Variants in SPATA13 observed in about 807,000 individuals in gnomAD.
The protein encoded by SPATA13 is spermatogenesis-associated protein 13.
Under a neutral mutation model 104.0 loss-of-function variants are expected in SPATA13, and 50 were observed. The ratio of observed to expected loss-of-function variants is 0.48; its 90% CI spans 0.38 to 0.61. The LOEUF (loss-of-function observed/expected upper bound fraction) is 0.61. SPATA13 is among the 20% of genes least tolerant of loss of function. The probability of loss-of-function intolerance (pLI) is 0.00; values close to 1 mark genes in which losing one functional copy is unlikely to be tolerated. For missense variants in SPATA13, 1,524 were observed against 1,690.6 expected (o/e 0.90, Z 1.73); for synonymous variants, 606 against 667.5 (o/e 0.91, Z 1.42).
intron 4 of SPATA13, among the ~76,000 whole-genome samples, chr13:24,274,078 G>A (rs1874804600): frequency 6.6e-6 from 1 of 152,198 alleles, no homozygotes; most frequent in Non-Finnish European, 1.5e-5. Flanking sequence ...AGCGTGGACG[G>A]ATGGAAGGAT....
At chr13:24,193,115 G>T (rs974696925) in intron 1 of SPATA13, among the ~76,000 whole-genome samples, 1 of 152,190 alleles carries the variant, frequency 6.6e-6, no homozygotes, top group Non-Finnish European at 1.5e-5. Flanking sequence ...TTGTTGAGGA[G>T]GGCAGTGACT....
At chr13:24,049,304 G>T (rs1321330281) in intron 3 of SPATA13, among the ~76,000 whole-genome samples, 1 of 152,140 alleles carries the variant, frequency 6.6e-6, no homozygotes, top group Non-Finnish European at 1.5e-5. Context: ...TCTACATTTG[G>T]GTGTGTTTAG....
chr13:23,993,970 GTT>G (rs34371369), intron 2 of SPATA13, among the ~76,000 whole-genome samples: 3,553 of 134,558 alleles, frequency 0.026, 98 homozygotes, highest in African/African-American at 0.069. Context: ...TGGTGGTGGT[GTT>G]TTTTTTTTTT....
intron 3 of SPATA13, chr13:24,122,262 G>C: frequency 7.5e-7 from 1 of 1,328,212 alleles, no homozygotes; most frequent in Non-Finnish European, 1.1e-6. Context: ...TACCACACAG[G>C]ATTACGATTT....
At chr13:24,165,656 G>A (rs1004430785) in intron 1 of SPATA13, among the ~76,000 whole-genome samples, 2 of 152,176 alleles carry the variant, frequency 1.3e-5, no homozygotes, top group African/African-American at 4.8e-5. Context: ...GATGCACGGG[G>A]AGGGCAGGCT....
chr13:24,079,863 G>T (rs1879451846), intron 3 of SPATA13, among the ~76,000 whole-genome samples: 1 of 152,098 alleles, frequency 6.6e-6, no homozygotes, highest in South Asian at 2.1e-4. Context: ...CTCCCGTGAG[G>T]ATGGGGATAC....
chr13:24,093,519 G>A (rs1445924818), intron 3 of SPATA13, among the ~76,000 whole-genome samples: 1 of 152,096 alleles, frequency 6.6e-6, no homozygotes, highest in Non-Finnish European at 1.5e-5. Flanking sequence ...GTTCAGGCAC[G>A]TTTCTGATAC....
intron 3 of SPATA13, among the ~76,000 whole-genome samples, chr13:24,147,635 C>T (rs1998478): frequency 0.5 from 76,060 of 151,894 alleles, 19,754 homozygotes; most frequent in Admixed American, 0.6. Context: ...CAGAACAAAA[C>T]GTACCATCTT....
chr13:24,276,270 C>T (rs1874976389), intron 4 of SPATA13, among the ~76,000 whole-genome samples: 1 of 152,020 alleles, frequency 6.6e-6, no homozygotes, highest in Admixed American at 6.5e-5. Flanking sequence ...TGGTTTTTTC[C>T]TTTTTTAAAA....
chr13:24,251,779 G>A lies in SPATA13; in HGVS notation c.2081G>A (p.Arg694Gln), dbSNP rs147629761. ...QVPPYKAVSA[R>Q]FRPFTFSQST... is the part of the protein sequence containing the mutation. ...CCACCCTACAAGGCTGTGTCGGCCC[G>A]GTTCCGGCCCTTCACATTCTCCCAG... Residue 694 changes from arginine (R) to glutamine (Q), a missense_variant, in exon 4 of 13, where the codon CGG becomes CAG. Arg to Gln is a conservative substitution (Grantham distance 43). This residue lies in a region of SPATA13 where 1,089 missense variants were observed against 1,135.9 expected (regional missense o/e 0.96). Transcript: ENST00000382108. 12 of 1,614,054 alleles carry A rather than the reference G, an allele frequency of 7.4e-6. No individual in the cohort carries two copies. The highest frequency in any genetic ancestry group is 5.0e-5 in the Admixed American group (3 of 60,000).
At position 24,305,665 on chromosome 13, in the gene SPATA13, C is replaced by CT. The variant is rs959534626; in HGVS notation, c.*2897dup. On this transcript the variant is annotated 3_prime_UTR_variant, in exon 13 of 13. Transcript: ENST00000382108. Reference sequence around the variant, plus strand: ...CTCTCCCGCCTCTATGCCTTTCTCTCTTTTTAACCTTACTTTACATAATAT... The same window carrying CT: ...CTCTCCCGCCTCTATGCCTTTCTCTCTTTTTTAACCTTACTTTACATAATAT... The CT allele has an allele frequency of 6.6e-6, 1 of 152,178 alleles. No individual in the cohort carries two copies. The highest frequency in any genetic ancestry group is 1.5e-5 in the Non-Finnish European group (1 of 68,038). 9.4% of individuals were successfully genotyped at this position (152,178 alleles called of 1,614,324 possible).
intron 3 of SPATA13, among the ~76,000 whole-genome samples, chr13:24,079,284 C>T (rs1035632431): frequency 1.2e-4 from 19 of 152,080 alleles, no homozygotes; most frequent in Non-Finnish European, 2.1e-4. Flanking sequence ...TTGTCCGCTA[C>T]GGTGCAGTTT....
chr13:24,133,855 C>T (rs1265239480), intron 3 of SPATA13, among the ~76,000 whole-genome samples: 3 of 152,178 alleles, frequency 2.0e-5, no homozygotes, highest in Non-Finnish European at 2.9e-5. Flanking sequence ...GGCACTAGAG[C>T]GAGTCCCCAG....
chr13:24,231,981 G>T (rs1872303246), intron 2 of SPATA13, among the ~76,000 whole-genome samples: 1 of 152,146 alleles, frequency 6.6e-6, no homozygotes, highest in South Asian at 2.1e-4. Context: ...AGCAGTTAAG[G>T]TTTCTTTATA....
intron 1 of SPATA13, among the ~76,000 whole-genome samples, chr13:24,162,953 T>G (rs4769332): frequency 6.6e-6 from 1 of 152,320 alleles, no homozygotes; most frequent in East Asian, 1.9e-4. Flanking sequence ...GTGGAGGACA[T>G]GAATTCTATA....
At chr13:24,275,207 A>G (rs1874887601) in intron 4 of SPATA13, among the ~76,000 whole-genome samples, 1 of 152,194 alleles carries the variant, frequency 6.6e-6, no homozygotes, top group South Asian at 2.1e-4. Context: ...ACTCACTGAC[A>G]GCTGCAGCCA....
intron 3 of SPATA13, among the ~76,000 whole-genome samples, chr13:24,040,541 CTG>C (rs1230262317): frequency 1.3e-5 from 2 of 152,140 alleles, no homozygotes; most frequent in Non-Finnish European, 2.9e-5. Context: ...CACCAGGACA[CTG>C]TGGACATTGG....
intron 1 of SPATA13, among the ~76,000 whole-genome samples, chr13:24,220,937 TA>T (rs1442507974): frequency 1.3e-5 from 2 of 152,250 alleles, no homozygotes; most frequent in Non-Finnish European, 2.9e-5. Flanking sequence ...AGGGATACGC[TA>T]AATTGGGATC....
Position 23,997,377 on chromosome 13 carries a change from C to T in SPATA13, c.-147+13444C>T, listed in dbSNP as rs139675572. On this transcript the variant is annotated intron_variant, in intron 2 of 14. Transcript: ENST00000424834. The stretch of plus-strand genomic sequence containing the variant: ...CATACCCACATTCCCAGGCAAACTC[C>T]GATGCTTCCTATCACTATAAGTTAG... 2.2e-3 allele frequency among the ~76,000 whole-genome samples: 336 copies of T among 152,258 alleles called. 1 individual carries two copies. The highest frequency in any genetic ancestry group is 3.7e-3 in the Non-Finnish European group (255 of 68,022).
Sources: gnomAD v4.1 joint callset for allele counts (sites outside exome capture counted in the v4.1 genomes callset) on GRCh38, gnomAD v4.1.1 for gene constraint, gnomAD v4.1.1 regional missense constraint, MANE v1.5 for transcripts, NCBI Gene and HGNC (gene_info 2026-07-23, HGNC 2026-07-21) for gene names.